CACNA1A: variants seen among roughly 807,000 people sequenced by gnomAD.
CACNA1A encodes the protein calcium voltage-gated channel subunit alpha1 A.
In CACNA1A, 57 loss-of-function variants were observed where a neutral mutation model predicts 262.4. That is an observed-to-expected ratio of 0.22 (90% CI 0.18 to 0.27). The LOEUF (loss-of-function observed/expected upper bound fraction) is 0.27. CACNA1A is among the 10% of genes least tolerant of loss of function. The probability of loss-of-function intolerance (pLI) is 1.00; values close to 1 mark genes in which losing one functional copy is unlikely to be tolerated. For missense variants in CACNA1A, 2,526 were observed against 3,562.8 expected, an observed-to-expected ratio of 0.71 and a Z score of 7.41; for synonymous variants, 1,431 against 1,419.3, an observed-to-expected ratio of 1.01 and a Z score of -0.18.
Position 13,317,101 on chromosome 19 carries a change from G to C in CACNA1A, c.1555+11C>G, listed in dbSNP as rs2058143299. 6.3e-7 allele frequency: 1 copy of C among 1,589,050 alleles called. No individual in the cohort carries two copies. The highest frequency in any genetic ancestry group is 2.2e-5 in the East Asian group (1 of 44,460). ...AGGGAGTTGGCAGGGGTGGGGCTGG[G>C]TGATACTCACAAAGGAAGTCGGAGA... On this transcript the variant is annotated intron_variant, in intron 11 of 46. Transcript: ENST00000360228.
At chr19:13,441,904 T>C (rs1344079698) in intron 3 of CACNA1A, among the ~76,000 whole-genome samples, 1 of 152,048 alleles carries the variant, frequency 6.6e-6, no homozygotes, top group African/African-American at 2.4e-5. Flanking sequence ...TGCGGAGAGA[T>C]GGATGGCAAG....
chr19:13,419,270 GGGTATGCCCCATAACTGA>G (rs1199607579), intron 3 of CACNA1A, among the ~76,000 whole-genome samples: 1 of 152,222 alleles, frequency 6.6e-6, no homozygotes, highest in Non-Finnish European at 1.5e-5. Flanking sequence ...AGGTGCAATA[GGGTATGCCCCATAACTGA>G]GGTGTGCAGT....
At chr19:13,461,669 C>T (rs1568668899) in intron 1 of CACNA1A, among the ~76,000 whole-genome samples, 1 of 152,166 alleles carries the variant, frequency 6.6e-6, no homozygotes, top group African/African-American at 2.4e-5. Flanking sequence ...CTGATCCTCC[C>T]GATTTAGAAA....
chr19:13,489,547 C>T (rs1375799963), intron 1 of CACNA1A, among the ~76,000 whole-genome samples: 2 of 152,218 alleles, frequency 1.3e-5, no homozygotes, highest in Admixed American at 6.5e-5. Flanking sequence ...GCTGGGATTA[C>T]AGGCACAAGC....
chr19:13,461,897 T>C (rs2061130671), intron 1 of CACNA1A, among the ~76,000 whole-genome samples: 1 of 152,130 alleles, frequency 6.6e-6, no homozygotes, highest in Admixed American at 6.5e-5. Flanking sequence ...GAAGTCAGGA[T>C]AGCAGACAGC....
At chr19:13,278,733 T>C (rs1233519527) in intron 22 of CACNA1A, among the ~76,000 whole-genome samples, 2 of 152,206 alleles carry the variant, frequency 1.3e-5, no homozygotes, top group Non-Finnish European at 2.9e-5. Context: ...GAAATGTTTG[T>C]TGAATGAATG....
At chr19:13,367,182 C>A (rs2059229278) in intron 4 of CACNA1A, among the ~76,000 whole-genome samples, 3 of 150,688 alleles carry the variant, frequency 2.0e-5, no homozygotes, top group Non-Finnish European at 4.4e-5. Flanking sequence ...GTAATCCCAG[C>A]TACTTGGGAG....
intron 22 of CACNA1A, among the ~76,000 whole-genome samples, chr19:13,281,998 C>CT (rs1241273099): frequency 6.6e-6 from 1 of 152,208 alleles, no homozygotes; most frequent in Non-Finnish European, 1.5e-5. Flanking sequence ...GTGGACCCCT[C>CT]CAGGGACACC....
At chr19:13,494,758 G>A (rs1981296783) in intron 1 of CACNA1A, among the ~76,000 whole-genome samples, 1 of 152,130 alleles carries the variant, frequency 6.6e-6, no homozygotes. Context: ...GGCAGCAGGA[G>A]AGGAGAGAGA....
intron 22 of CACNA1A, among the ~76,000 whole-genome samples, chr19:13,281,972 C>A (rs998413095): frequency 2.0e-5 from 3 of 152,224 alleles, no homozygotes; most frequent in Non-Finnish European, 4.4e-5. Context: ...AGCATCCTCG[C>A]GTCAGCAGGG....
chr19:13,399,475 G>C (rs1411701361), intron 3 of CACNA1A, among the ~76,000 whole-genome samples: 1 of 150,794 alleles, frequency 6.6e-6, no homozygotes, highest in Non-Finnish European at 1.5e-5. Flanking sequence ...GCTTGGGAAA[G>C]CAGGAGCAAA....
intron 35 of CACNA1A, among the ~76,000 whole-genome samples, chr19:13,230,810 GAAA>G (rs796204286): frequency 8.1e-6 from 1 of 123,418 alleles, no homozygotes; most frequent in East Asian, 2.3e-4. Context: ...CCATTTCAAA[GAAA>G]AAAAAAAAAG....
chr19:13,342,884 C>A (rs963534945), intron 6 of CACNA1A, among the ~76,000 whole-genome samples: 4 of 152,148 alleles, frequency 2.6e-5, no homozygotes, highest in African/African-American at 9.7e-5. Context: ...TTTGTTACTG[C>A]AGCATAACTT....
rs1981704810 is a variant in CACNA1A, at chr19:13,497,504, AAAAAAAAAAAAAAAAAAATAT to A, written c.293+8407_293+8427del. ...ACTCCATCTCAAAAAAAAAAAAAAA[AAAAAAAAAAAAAAAAAAATAT>A]ATATATATATATATATATATATATA... On this transcript the variant is annotated intron_variant, in intron 1 of 46. Transcript: ENST00000360228. Among the ~76,000 whole-genome samples the A allele has an allele frequency of 7.5e-5, 3 of 40,010 alleles. 1 individual carries two copies. Among genetic ancestry groups the A allele is most frequent in the Non-Finnish European group, 8.7e-5 (2 of 22,886 alleles). 26.2% of individuals were successfully genotyped at this position (40,010 alleles called of 152,430 possible). A position where few individuals can be genotyped will look rare whatever the true frequency, so the allele number is the denominator to read the frequency against.
Position 13,339,360 on chromosome 19 carries a change from C to A in CACNA1A, c.979-3451G>T, listed in dbSNP as rs557261334. On this transcript the variant is annotated intron_variant, in intron 6 of 46. Coordinates refer to ENST00000360228, the MANE Select transcript of CACNA1A (RefSeq NM_001127222.2). ...AAAACAGAAAGTAGCATGGTGGGTG[C>A]CAAGGGCTGGGGGAGGGGGAACAGG... Among the ~76,000 whole-genome samples the A allele has an allele frequency of 2.0e-5, 3 of 151,926 alleles. No individual in the cohort carries two copies. In the East Asian group the frequency reaches 5.8e-4, roughly 29 times the overall value.
rs2057738998 is a variant in CACNA1A at position 13,299,255 on chromosome 19, A to T, written c.2378T>A (p.Leu793Gln). 1.2e-6 allele frequency: 2 copies of T among 1,607,848 alleles called. No homozygotes were observed. Among genetic ancestry groups the T allele is most frequent in the Non-Finnish European group, 1.7e-6 (2 of 1,179,818 alleles). ...CTCGTCCGGGTCCATTTCGTTATAC[A>T]GGGCCTCCCGGCTGGCCAGCAAGTT... Reference protein sequence around the residue: ...KQNLLASREALYNEMDPDERW... With the variant: ...KQNLLASREAQYNEMDPDERW... The change falls in exon 19 of 47, where the codon CTG becomes CAG. Residue 793 changes from leucine (L) to glutamine (Q), a missense_variant. By Grantham distance (113) the Leu-to-Gln change is moderately radical (BLOSUM62 -2). This residue lies in a region of CACNA1A where 765 missense variants were observed against 748.6 expected (regional missense o/e 1.02). Coordinates refer to ENST00000360228, the MANE Select transcript of CACNA1A (RefSeq NM_001127222.2).
intron 12 of CACNA1A, among the ~76,000 whole-genome samples, chr19:13,310,795 CTT>C (rs747620000): frequency 7.0e-5 from 10 of 142,604 alleles, no homozygotes; most frequent in Admixed American, 1.4e-4. Flanking sequence ...TAAAATTTTT[CTT>C]TTTTTTTTTT....
intron 3 of CACNA1A, among the ~76,000 whole-genome samples, chr19:13,385,699 A>T (rs953404843): frequency 6.6e-6 from 1 of 151,888 alleles, no homozygotes; most frequent in Non-Finnish European, 1.5e-5. Flanking sequence ...TTTTTTAGAA[A>T]TTTTCATCTG....
At chr19:13,250,662 T>C (rs1467913308) in intron 30 of CACNA1A, among the ~76,000 whole-genome samples, 3 of 151,940 alleles carry the variant, frequency 2.0e-5, no homozygotes, top group Admixed American at 6.6e-5. Flanking sequence ...TCCCAAAGTG[T>C]TGGGATTACA....
Sources: allele counts gnomAD v4.1 joint callset (sites outside exome capture counted in the v4.1 genomes callset), GRCh38; gene constraint gnomAD v4.1.1; regional missense constraint gnomAD v4.1.1; transcripts MANE v1.5; gene names NCBI Gene and HGNC (gene_info 2026-07-23, HGNC 2026-07-21).